MRPL45: variants seen among roughly 807,000 people sequenced by gnomAD.
MRPL45 encodes the protein mitochondrial ribosomal protein L45, also known as large ribosomal subunit protein mL45.
In MRPL45, 20 loss-of-function variants were observed where a neutral mutation model predicts 38.1. The observed-to-expected ratio is 0.53, with a 90% CI of 0.37 to 0.76. MRPL45 has a LOEUF of 0.76. MRPL45 is among the 30% of genes least tolerant of loss of function. MRPL45 has a pLI of 0.00. For missense variants in MRPL45, 337 were observed against 395.6 expected (o/e 0.85, Z 1.26); for synonymous variants, 105 against 128.8 (o/e 0.82, Z 1.25).
rs562423353 is a variant in MRPL45 at position 38,303,256 on chromosome 17, A to G, written c.363-3277A>G. On this transcript the variant is annotated intron_variant, in intron 3 of 7. Coordinates refer to ENST00000613675, the MANE Select transcript of MRPL45 (RefSeq NM_032351.6). ...TCATTTGCTTATGGAACTATGGGTT[A>G]TGTAATTTCCTCTCTGTGCATTCAA... Among the ~76,000 whole-genome samples the G allele has an allele frequency of 5.6e-5, 8 of 142,246 alleles. No individual in the cohort carries two copies. In the East Asian group the frequency reaches 1.7e-3, roughly 30 times the overall value. The allele number at this position is 142,246 out of a possible 152,430, so 93.3% of individuals were successfully genotyped here.
chr17:38,313,547 C>A (rs988309018), intron 4 of MRPL45, among the ~76,000 whole-genome samples: 1 of 150,494 alleles, frequency 6.6e-6, no homozygotes, highest in Non-Finnish European at 1.5e-5. Context: ...TAGGCATCCT[C>A]ATGGGTGTGA....
chr17:38,308,859 C>CTT (rs112353546), intron 4 of MRPL45, among the ~76,000 whole-genome samples: 1 of 145,006 alleles, frequency 6.9e-6, no homozygotes, highest in Admixed American at 6.9e-5. Flanking sequence ...GAGAAATTAA[C>CTT]TTTTTTTTTT....
At chr17:38,314,708 A>T (rs2144230091) in intron 4 of MRPL45, among the ~76,000 whole-genome samples, 1 of 152,134 alleles carries the variant, frequency 6.6e-6, no homozygotes, top group South Asian at 2.1e-4. Context: ...AGCACCATTT[A>T]TTGAAGAGAC....
At chr17:38,306,748 A>G (rs2037059461) in intron 4 of MRPL45, 117 bp downstream of exon 4, 2 of 1,181,278 alleles carry the variant, frequency 1.7e-6, no homozygotes, top group Admixed American at 2.4e-5. Flanking sequence ...GCCTTCAGGT[A>G]AGAGATCTAG....
intron 3 of MRPL45, among the ~76,000 whole-genome samples, chr17:38,305,858 G>T (rs2037048282): frequency 6.6e-6 from 1 of 151,628 alleles, no homozygotes; most frequent in African/African-American, 2.4e-5. Flanking sequence ...GGCTAGGCTG[G>T]TCTCAAACTC....
rs531389851 is a variant in MRPL45 at position 38,302,278 on chromosome 17, G to A, written c.362+2810G>A. 3.3e-4 allele frequency among the ~76,000 whole-genome samples: 50 copies of A among 151,788 alleles called. 1 individual carries two copies. Among genetic ancestry groups the A allele is most frequent in the Non-Finnish European group, 8.8e-5 (6 of 67,938 alleles). On this transcript the variant is annotated intron_variant, in intron 3 of 7. Transcript: ENST00000613675. ...GGCTGGTGGATCACCTGAGAGGTCG[G>A]GAGTTCGAGACCAGCCTGGCCAACA...
intron 4 of MRPL45, among the ~76,000 whole-genome samples, chr17:38,310,041 G>A (rs931516421): frequency 2.0e-5 from 3 of 149,154 alleles, no homozygotes; most frequent in African/African-American, 7.4e-5. Context: ...CCTCTTTTCA[G>A]TTGTAGCTAA....
chr17:38,321,997 A>C lies in MRPL45; in HGVS notation c.661-129A>C, dbSNP rs2144243241. On this transcript the variant is annotated intron_variant, in intron 6 of 7. Coordinates refer to ENST00000613675, the MANE Select transcript of MRPL45 (RefSeq NM_032351.6). The stretch of plus-strand genomic sequence containing the variant: ...CAGTGAGCTGAGATCATGCCACTGC[A>C]CTCCAGCCAGGGCAACAGAGTGAGA... 1.4e-5 allele frequency: 13 copies of C among 911,896 alleles called. No homozygotes were observed. In the South Asian group the frequency reaches 2.2e-4, roughly 15 times the overall value. 56.5% of individuals were successfully genotyped at this position (911,896 alleles called of 1,614,324 possible). A position where few individuals can be genotyped will look rare whatever the true frequency, so the allele number is the denominator to read the frequency against.
chr17:38,320,807 C>G (rs984491049), intron 6 of MRPL45, 40 bp downstream of exon 6: 15 of 1,608,588 alleles, frequency 9.3e-6, no homozygotes, highest in Non-Finnish European at 1.2e-5. Context: ...CTTTTTTTCA[C>G]TCTGAGCTTG....
intron 3 of MRPL45, among the ~76,000 whole-genome samples, chr17:38,302,512 T>G (rs1358799430): frequency 3.2e-5 from 4 of 126,332 alleles, no homozygotes; most frequent in South Asian, 2.3e-4. Flanking sequence ...AAAAGTTTGT[T>G]TTTTTTTTTT....
chr17:38,302,116 C>CAAAAAAAAAAAAAAAAAAAAA (rs67699213), intron 3 of MRPL45, among the ~76,000 whole-genome samples: 1 of 75,596 alleles, frequency 1.3e-5, no homozygotes, highest in African/African-American at 5.4e-5. Flanking sequence ...GACTCCGTCT[C>CAAAAAAAAAAAAAAAAAAAAA]AAAAAAAAAA....
chr17:38,299,185 G>A (rs1354232739), intron 2 of MRPL45, among the ~76,000 whole-genome samples, 166 bp from the exon 3 acceptor site: 1 of 151,996 alleles, frequency 6.6e-6, no homozygotes, highest in Non-Finnish European at 1.5e-5. Flanking sequence ...ACTGTGCCCG[G>A]CCTTGTTTTG....
At chr17:38,312,273 T>C (rs1284291080) in intron 4 of MRPL45, among the ~76,000 whole-genome samples, 2 of 152,098 alleles carry the variant, frequency 1.3e-5, no homozygotes, top group African/African-American at 4.8e-5. Flanking sequence ...CTCGAACTCC[T>C]GACCTCAGGT....
At chr17:38,306,410 G>A (rs1301806702) in intron 3 of MRPL45, 123 bp from the exon 4 acceptor site, 181 of 895,164 alleles carry the variant, frequency 2.0e-4, no homozygotes, top group African/African-American at 6.5e-4. Flanking sequence ...CTCAAAAAAA[G>A]AAAAAAAAAA....
chr17:38,319,120 C>T (rs2037205921), intron 5 of MRPL45, among the ~76,000 whole-genome samples: 2 of 151,788 alleles, frequency 1.3e-5, no homozygotes, highest in African/African-American at 2.4e-5. Flanking sequence ...ACTGCAAGCT[C>T]CGCCTCCCGG....
intron 1 of MRPL45, among the ~76,000 whole-genome samples, 169 bp downstream of exon 1, chr17:38,297,418 A>C (rs926925767): frequency 6.6e-6 from 1 of 152,146 alleles, no homozygotes; most frequent in Non-Finnish European, 1.5e-5. Flanking sequence ...CAGTGGTCGA[A>C]TGGGGATAGC....
chr17:38,304,000 A>G (rs921451456), intron 3 of MRPL45, among the ~76,000 whole-genome samples: 1 of 152,110 alleles, frequency 6.6e-6, no homozygotes, highest in Non-Finnish European at 1.5e-5. Context: ...TTATGTTTTC[A>G]TAGTCTATTT....
chr17:38,315,454 G>A (rs1338767676), intron 4 of MRPL45, among the ~76,000 whole-genome samples: 1 of 150,450 alleles, frequency 6.6e-6, no homozygotes, highest in Non-Finnish European at 1.5e-5. Context: ...TTTTTGTAGA[G>A]ACAGGGGTCT....
Position 38,320,722 on chromosome 17 carries a change from G to C in MRPL45, c.615G>C (p.Gln205His), listed in dbSNP as rs1415119871. Residue 205 changes from glutamine (Q) to histidine (H), a missense_variant, in exon 6 of 8, where the codon CAG (glutamine) becomes CAC (histidine). Gln to His is a conservative substitution (Grantham distance 24). Transcript: ENST00000613675. ...VQVRCSSMMN[Q>H]GNVYGQITVR... Reference sequence around the variant, plus strand: ...TTCGCTGTTCAAGTATGATGAACCAGGGCAACGTGTACGGCCAGATCACCG... The same window carrying C: ...TTCGCTGTTCAAGTATGATGAACCACGGCAACGTGTACGGCCAGATCACCG... The C allele has an allele frequency of 1.2e-6, 2 of 1,614,132 alleles. No individual in the cohort carries two copies. Among genetic ancestry groups the C allele is most frequent in the Non-Finnish European group, 1.7e-6 (2 of 1,180,020 alleles).
Sources: allele counts gnomAD v4.1 joint callset (sites outside exome capture counted in the v4.1 genomes callset), GRCh38; gene constraint gnomAD v4.1.1; transcripts MANE v1.5; gene names NCBI Gene and HGNC (gene_info 2026-07-23, HGNC 2026-07-21).